The following TSPEAR variants were observed in gnomAD, a reference collection of about 807,000 sequenced individuals.
The protein encoded by TSPEAR is thrombospondin-type laminin G domain and EAR repeat-containing protein.
Under a neutral mutation model 71.6 loss-of-function variants are expected in TSPEAR, and 69 were observed. The ratio of observed to expected loss-of-function variants is 0.96; its 90% CI spans 0.79 to 1.18. The LOEUF is 1.18. Ranked by LOEUF, TSPEAR falls within the 50% of genes most tolerant of loss-of-function variation. The pLI, the probability that TSPEAR is intolerant of heterozygous loss-of-function variation, is 0.00. For synonymous variants in TSPEAR, 402 were observed against 387.2 expected, an observed-to-expected ratio of 1.04 and a Z score of -0.45; for missense variants, 971 against 894.9, an observed-to-expected ratio of 1.09 and a Z score of -1.09.
chr21:44,683,994 C>T (rs534764109), intron 1 of TSPEAR, among the ~76,000 whole-genome samples: 1 of 152,292 alleles, frequency 6.6e-6, no homozygotes, highest in Admixed American at 6.5e-5. Context: ...CCAGGAATCT[C>T]AGAAAGCCCC....
chr21:44,618,873 AAC>A (rs1391533820), intron 1 of TSPEAR, among the ~76,000 whole-genome samples: 7 of 152,316 alleles, frequency 4.6e-5, no homozygotes, highest in African/African-American at 1.4e-4. Flanking sequence ...CAGTTGGGAA[AAC>A]ACTGGACACC....
chr21:44,599,874 C>T (rs1400677616), intron 1 of TSPEAR, among the ~76,000 whole-genome samples: 3 of 152,110 alleles, frequency 2.0e-5, no homozygotes, highest in Non-Finnish European at 2.9e-5. Context: ...GTGCTTTTTG[C>T]GGAGGAGGTG....
chr21:44,661,347 G>A (rs978124405), intron 1 of TSPEAR, among the ~76,000 whole-genome samples: 7 of 151,146 alleles, frequency 4.6e-5, no homozygotes, highest in Non-Finnish European at 8.8e-5. Context: ...TAGTGACAGT[G>A]CATTGTGGGG....
At chr21:44,610,770 G>C (rs1555930647) in intron 1 of TSPEAR, among the ~76,000 whole-genome samples, 1 of 152,192 alleles carries the variant, frequency 6.6e-6, no homozygotes, top group Non-Finnish European at 1.5e-5. Flanking sequence ...AGCCAGGAGG[G>C]AGGCTGTACC....
At chr21:44,511,701 C>T (rs114720644) in intron 9 of TSPEAR, among the ~76,000 whole-genome samples, 195 of 152,398 alleles carry the variant, frequency 1.3e-3, no homozygotes, top group African/African-American at 4.4e-3. Flanking sequence ...TCCAGTGGAG[C>T]CCCTGCTTCT....
chr21:44,573,254 A>G (rs2838592), intron 1 of TSPEAR, among the ~76,000 whole-genome samples: 7,306 of 152,206 alleles, frequency 0.048, 557 homozygotes, highest in African/African-American at 0.16. Flanking sequence ...TCAGCAGCCT[A>G]GAAAACCAAG....
intron 7 of TSPEAR, chr21:44,526,102 A>G (rs1480601240): frequency 2.5e-6 from 1 of 398,020 alleles, no homozygotes; most frequent in Admixed American, 3.9e-5. Context: ...AGGCAAAAAC[A>G]CAAAAGCCAA....
At chr21:44,609,469 C>A (rs1189094000) in intron 1 of TSPEAR, among the ~76,000 whole-genome samples, 2 of 152,134 alleles carry the variant, frequency 1.3e-5, no homozygotes, top group Non-Finnish European at 2.9e-5. Flanking sequence ...AGTAATGGAT[C>A]CAACATCAGA....
intron 1 of TSPEAR, chr21:44,591,892 G>A (rs1555926710): frequency 1.2e-6 from 2 of 1,602,046 alleles, no homozygotes; most frequent in Non-Finnish European, 1.7e-6. Context: ...GGTGCAGCCT[G>A]ATTGGCAGGG....
intron 1 of TSPEAR, among the ~76,000 whole-genome samples, chr21:44,579,218 C>T (rs1411801399): frequency 6.6e-6 from 1 of 152,130 alleles, no homozygotes; most frequent in Non-Finnish European, 1.5e-5. Flanking sequence ...GAGAGCCCCA[C>T]AGCCCAGGGC....
intron 1 of TSPEAR, among the ~76,000 whole-genome samples, chr21:44,602,484 G>A (rs78323233): frequency 0.041 from 5,745 of 139,424 alleles, 348 homozygotes; most frequent in African/African-American, 0.14. Flanking sequence ...GGGTCCACAC[G>A]GTGGGCGGGG....
intron 1 of TSPEAR, among the ~76,000 whole-genome samples, chr21:44,579,101 A>C (rs1978681368): frequency 6.6e-6 from 1 of 152,176 alleles, no homozygotes; most frequent in South Asian, 2.1e-4. Context: ...GAGGGTGACC[A>C]GGCCTGGAGG....
rs587679349 is a variant in TSPEAR, at chr21:44,586,894, T to C, written c.83-18889A>G. ...AACATACAAGGGACATACCTCAATG[T>C]AATAAAAGCCATCTATGACAAACCC... On this transcript the variant is annotated intron_variant, in intron 1 of 11. Coordinates refer to ENST00000323084, the MANE Select transcript of TSPEAR (RefSeq NM_144991.3). Among the ~76,000 whole-genome samples the C allele has an allele frequency of 6.0e-4, 91 of 152,266 alleles. 1 individual carries two copies. The highest frequency in any genetic ancestry group is 2.1e-3 in the African/African-American group (86 of 41,548).
At chr21:44,563,388 T>A (rs190315882) in intron 2 of TSPEAR, among the ~76,000 whole-genome samples, 46 of 152,262 alleles carry the variant, frequency 3.0e-4, no homozygotes, top group Admixed American at 2.9e-3. Context: ...TCTTTTTGTA[T>A]CTCACTGGTA....
intron 1 of TSPEAR, among the ~76,000 whole-genome samples, chr21:44,680,243 A>G (rs183091010): frequency 1.6e-3 from 247 of 152,358 alleles, no homozygotes; most frequent in South Asian, 5.0e-3. Flanking sequence ...CTGAATAGGC[A>G]TCTCTCAAAA....
At chr21:44,531,676 C>T (rs935910690) in intron 3 of TSPEAR, among the ~76,000 whole-genome samples, 1 of 152,184 alleles carries the variant, frequency 6.6e-6, no homozygotes, top group Non-Finnish European at 1.5e-5. Context: ...GCAGTGGCTT[C>T]GACCTGCACA....
chr21:44,618,629 C>T (rs1362423215), intron 1 of TSPEAR, among the ~76,000 whole-genome samples: 2 of 152,158 alleles, frequency 1.3e-5, no homozygotes, highest in African/African-American at 2.4e-5. Context: ...AGGCAGCAGC[C>T]GGAGTTCCTG....
intron 1 of TSPEAR, chr21:44,627,233 A>C (rs782083605): frequency 2.2e-5 from 35 of 1,612,632 alleles, no homozygotes; most frequent in Middle Eastern, 2.0e-4. Context: ...CAGGTGGACG[A>C]CTGCCCAGAG....
Position 44,638,082 on chromosome 21 carries a change from G to A in TSPEAR, c.83-70077C>T, listed in dbSNP as rs149607142. 1.5e-4 allele frequency: 247 copies of A among 1,613,464 alleles called. No individual in the cohort carries two copies. The highest frequency in any genetic ancestry group is 5.9e-4 in the African/African-American group (44 of 74,882). On this transcript the variant is annotated intron_variant, in intron 1 of 11. Coordinates refer to ENST00000323084, the MANE Select transcript of TSPEAR (RefSeq NM_144991.3). ...TCCTCCTGCCAGCCCAGCTGCTGCC[G>A]CACGGCCTCCTGTGTTTCCCTCCTC...
Sources: allele counts gnomAD v4.1 joint callset (sites outside exome capture counted in the v4.1 genomes callset), GRCh38; gene constraint gnomAD v4.1.1; transcripts MANE v1.5; gene names NCBI Gene and HGNC (gene_info 2026-07-23, HGNC 2026-07-21).